Variants in KATNBL1 observed in about 807,000 individuals in gnomAD.
KATNBL1 encodes KATNB1-like protein 1.
In KATNBL1, 28 loss-of-function variants were observed where a neutral mutation model predicts 44.7. The observed-to-expected ratio is 0.63, with a 90% confidence interval of 0.46 to 0.86. The LOEUF is 0.86. Among genes scored for constraint, KATNBL1 ranks in the 40% least tolerant of loss-of-function variants. The pLI, the probability that KATNBL1 is intolerant of heterozygous loss-of-function variation, is 0.00. For missense variants in KATNBL1, 272 were observed against 350.7 expected, an observed-to-expected ratio of 0.78 and a Z score of 1.79; for synonymous variants, 78 against 114.9, an observed-to-expected ratio of 0.68 and a Z score of 2.06.
intron 1 of KATNBL1, chr15:34,199,778 T>TA (rs998235845): frequency 1.3e-5 from 2 of 152,150 alleles, no homozygotes; most frequent in Non-Finnish European, 2.9e-5. Context: ...TTCCAGCTCT[T>TA]AAAGGTGATG....
At chr15:34,176,859 G>T (rs1205597198) in intron 1 of KATNBL1, among the ~76,000 whole-genome samples, 1 of 152,090 alleles carries the variant, frequency 6.6e-6, no homozygotes, top group Admixed American at 6.5e-5. Context: ...CAGCACCTTT[G>T]TTGGGGCAAC....
chr15:34,170,247 G>C (rs1889118842), intron 1 of KATNBL1, among the ~76,000 whole-genome samples: 1 of 152,262 alleles, frequency 6.6e-6, no homozygotes, highest in African/African-American at 2.4e-5. Flanking sequence ...AAAGTCTCAG[G>C]ACACAAAATC....
chr15:34,197,650 T>G (rs1890060898), intron 1 of KATNBL1, among the ~76,000 whole-genome samples: 1 of 152,262 alleles, frequency 6.6e-6, no homozygotes, highest in Non-Finnish European at 1.5e-5. Context: ...CTTTTTTCTG[T>G]TTATTTTTCT....
intron 1 of KATNBL1, among the ~76,000 whole-genome samples, chr15:34,196,375 A>G (rs1890029918): frequency 6.6e-6 from 1 of 152,270 alleles, no homozygotes; most frequent in East Asian, 1.9e-4. Context: ...TCGAGACTGC[A>G]TGACTGCACT....
intron 1 of KATNBL1, among the ~76,000 whole-genome samples, chr15:34,164,881 T>C (rs563978143): frequency 6.6e-6 from 1 of 152,364 alleles, no homozygotes; most frequent in African/African-American, 2.4e-5. Context: ...ACTGTCTCTC[T>C]CTGCAGTGGA....
At chr15:34,188,340 G>A (rs1235369265) in intron 1 of KATNBL1, among the ~76,000 whole-genome samples, 1 of 151,710 alleles carries the variant, frequency 6.6e-6, no homozygotes, top group Non-Finnish European at 1.5e-5. Flanking sequence ...CAGATCAGTT[G>A]AGGCCAGGAG....
chr15:34,193,945 G>A lies in KATNBL1; in HGVS notation c.-15+16006C>T, dbSNP rs116042274. On this transcript the variant is annotated intron_variant, in intron 1 of 9. Coordinates refer to ENST00000256544, the MANE Select transcript of KATNBL1 (RefSeq NM_024713.3). ...CCATGCAGTTTAGTTTTTCTTTGTC[G>A]TTTTTTATTTTTTTGAGATGGAGTC... Among the ~76,000 whole-genome samples, 1,004 of 146,150 alleles carry A rather than the reference G, an allele frequency of 6.9e-3. 12 individuals are homozygous for A. The highest frequency in any genetic ancestry group is 0.024 in the African/African-American group (963 of 39,720).
At chr15:34,155,947 C>G (rs1202326858) in intron 2 of KATNBL1, among the ~76,000 whole-genome samples, 1 of 152,142 alleles carries the variant, frequency 6.6e-6, no homozygotes, top group Non-Finnish European at 1.5e-5. Flanking sequence ...GTCGAAAGAC[C>G]CATAAGGGGC....
At chr15:34,191,900 T>C (rs1278091769) in intron 1 of KATNBL1, among the ~76,000 whole-genome samples, 4 of 147,788 alleles carry the variant, frequency 2.7e-5, no homozygotes, top group Non-Finnish European at 5.9e-5. Flanking sequence ...TGAGCCGAGA[T>C]TGCACCACTA....
chr15:34,177,123 C>G (rs1019532574), intron 1 of KATNBL1, among the ~76,000 whole-genome samples: 1 of 152,124 alleles, frequency 6.6e-6, no homozygotes, highest in Admixed American at 6.5e-5. Flanking sequence ...GGCCAATACA[C>G]TAACTGTATA....
At chr15:34,155,445 T>C (rs1225253976) in intron 2 of KATNBL1, among the ~76,000 whole-genome samples, 1 of 152,182 alleles carries the variant, frequency 6.6e-6, no homozygotes, top group African/African-American at 2.4e-5. Context: ...GCACTACTGC[T>C]ACAATTGCAA....
intron 1 of KATNBL1, among the ~76,000 whole-genome samples, chr15:34,170,107 A>G (rs902209362): frequency 3.3e-5 from 5 of 152,176 alleles, no homozygotes; most frequent in South Asian, 2.1e-4. Context: ...GGCAAGAGAA[A>G]GAAATAAAGG....
At chr15:34,158,362 C>G (rs1888700473) in intron 2 of KATNBL1, among the ~76,000 whole-genome samples, 1 of 152,084 alleles carries the variant, frequency 6.6e-6, no homozygotes, top group Non-Finnish European at 1.5e-5. Flanking sequence ...TTCTCTTTTT[C>G]AGTGGGAAAG....
intron 1 of KATNBL1, among the ~76,000 whole-genome samples, chr15:34,190,654 TA>T (rs1345444806): frequency 6.6e-6 from 1 of 152,142 alleles, no homozygotes; most frequent in Non-Finnish European, 1.5e-5. Flanking sequence ...TTACAATGGA[TA>T]AATCAGGTTG....
intron 1 of KATNBL1, among the ~76,000 whole-genome samples, 157 bp from the exon 2 acceptor site, chr15:34,163,847 A>C (rs1348507328): frequency 6.6e-6 from 1 of 152,222 alleles, no homozygotes; most frequent in Non-Finnish European, 1.5e-5. Context: ...ACATAGAGGA[A>C]GCACAAGGCA....
intron 1 of KATNBL1, among the ~76,000 whole-genome samples, chr15:34,172,786 C>T (rs1362268698): frequency 6.6e-6 from 1 of 151,592 alleles, no homozygotes; most frequent in African/African-American, 2.4e-5. Context: ...CACACACACA[C>T]ACACACACAC....
At chr15:34,162,872 C>T (rs1397801704) in intron 2 of KATNBL1, among the ~76,000 whole-genome samples, 2 of 151,978 alleles carry the variant, frequency 1.3e-5, no homozygotes, top group African/African-American at 2.4e-5. Flanking sequence ...CCTCAGCCTC[C>T]GAAAGTGCTG....
chr15:34,156,475 G>A (rs551242691), intron 2 of KATNBL1, among the ~76,000 whole-genome samples: 108 of 152,312 alleles, frequency 7.1e-4, no homozygotes, highest in Admixed American at 1.2e-3. Context: ...TTTAAAGTGC[G>A]GATGAAATAT....
At chr15:34,151,717 C>G (rs1435542996) in intron 4 of KATNBL1, among the ~76,000 whole-genome samples, 2 of 151,906 alleles carry the variant, frequency 1.3e-5, no homozygotes, top group South Asian at 4.1e-4. Flanking sequence ...TGCCACCATG[C>G]CTAGCTAATT....
Sources: allele counts gnomAD v4.1 joint callset (sites outside exome capture counted in the v4.1 genomes callset), GRCh38; gene constraint gnomAD v4.1.1; transcripts MANE v1.5; gene names NCBI Gene and HGNC (gene_info 2026-07-23, HGNC 2026-07-21).